SPSB2: variants seen among roughly 807,000 people sequenced by gnomAD.
The protein encoded by SPSB2 is SPRY domain-containing SOCS box protein 2.
SPSB2 carries 25 observed loss-of-function variants against 19.2 expected under a neutral mutation model. The observed-to-expected ratio is 1.30, with a 90% CI of 0.95 to 1.82. SPSB2 has a LOEUF of 1.82. Among genes scored for constraint, SPSB2 ranks in the 40% most tolerant of loss-of-function variants. The pLI is 0.00. For missense variants in SPSB2, 413 were observed against 344.9 expected (o/e 1.20, Z -1.56); for synonymous variants, 153 against 154.9 (o/e 0.99, Z 0.09).
chr12:6,872,730 C>T lies in SPSB2; in HGVS notation c.172G>A (p.Glu58Lys), dbSNP rs1944624067. 1.2e-6 allele frequency: 2 copies of T among 1,612,896 alleles called. No individual in the cohort carries two copies. Among genetic ancestry groups the T allele is most frequent in the Non-Finnish European group, 1.7e-6 (2 of 1,180,048 alleles). ...WNPKDCSENI[E>K]VKEGGLYFER... ...AAGTACAACCCTCCTTCCTTGACCT[C>T]GATGTTCTCTGAACAGTCTTTGGGG... The change falls in exon 2 of 3, where the codon GAG becomes AAG. Residue 58 changes from glutamate to lysine, a missense_variant. By Grantham distance (56) the Glu-to-Lys change is moderately conservative. Transcript: ENST00000524270.
At chr12:6,871,538 AAAC>A (rs1159742293) in intron 2 of SPSB2, 30 of 596,116 alleles carry the variant, frequency 5.0e-5, no homozygotes, top group South Asian at 2.2e-4. Context: ...AAGGCCCTCT[AAAC>A]AACAGGCCAA....
intron 2 of SPSB2, chr12:6,871,682 A>T (rs1255221196): frequency 5.7e-6 from 2 of 350,630 alleles, no homozygotes; most frequent in Non-Finnish European, 1.0e-5. Context: ...CAAGCCCTGG[A>T]CCCAGTCAGT....
At position 6,872,470 on chromosome 12, in the gene SPSB2, GCT is replaced by G. The variant is rs1944616257; in HGVS notation, c.430_431del (p.Ser144GlnfsTer15). 1.2e-6 allele frequency: 2 copies of G among 1,613,840 alleles called. No homozygotes were observed. The highest frequency in any genetic ancestry group is 1.3e-5 in the African/African-American group (1 of 74,950). On this transcript the variant is annotated frameshift_variant, in exon 2 of 3. Transcript: ENST00000524270. LOFTEE classifies it high-confidence loss of function. The stretch of plus-strand genomic sequence containing the variant: ...GATACTGGGGGGCTCCGGGCCCCTT[GCT>G]CTGATGGTACAGCTTCCCCCGCCCG... ...DIGRGKLYHQ[S>X]KGPGAPQYPA...
At chr12:6,872,030 G>C in intron 2 of SPSB2, 1 of 1,479,258 alleles carries the variant, frequency 6.8e-7, no homozygotes, top group East Asian at 2.5e-5. Flanking sequence ...ACTTGAGAAA[G>C]TTGCTTTCTC....
At position 6,871,158 on chromosome 12, in the gene SPSB2, CA is replaced by C; in HGVS notation, c.*33del. The C allele has an allele frequency of 6.4e-7, 1 of 1,566,572 alleles. No homozygotes were observed. The highest frequency in any genetic ancestry group is 8.7e-7 in the Non-Finnish European group (1 of 1,155,940). Reference sequence around the variant, plus strand: ...ACCTCCCCAAGGGGAGGGGTGGTGGCAAGACCTCAGCACAGTCTGTGGTATC... The same window carrying C: ...ACCTCCCCAAGGGGAGGGGTGGTGGCAGACCTCAGCACAGTCTGTGGTATC... On this transcript the variant is annotated 3_prime_UTR_variant, in exon 3 of 3. Coordinates refer to ENST00000524270, the MANE Select transcript of SPSB2 (RefSeq NM_032641.4).
In SPSB2 at chr12:6,872,300, GGATA is replaced by G; in HGVS notation, c.598_601del (p.Tyr200ArgfsTer3). On this transcript the variant is annotated frameshift_variant, in exon 2 of 3. Coordinates refer to ENST00000524270, the MANE Select transcript of SPSB2 (RefSeq NM_032641.4). LOFTEE classifies it high-confidence loss of function. ...CTGGCCCCAGACAGCGCTTACTGCC[GGATA>G]GAGGGTCCTGCCCTTCAGTCCGCGG... 1 of 1,614,164 alleles carries G rather than the reference GGATA, an allele frequency of 6.2e-7. No homozygotes were observed. The highest frequency in any genetic ancestry group is 2.2e-5 in the East Asian group (1 of 44,884).
chr12:6,870,986 G>A lies in SPSB2; in HGVS notation c.*206C>T. 1 of 691,148 alleles carries A rather than the reference G, an allele frequency of 1.4e-6. No homozygotes were observed. Among genetic ancestry groups the A allele is most frequent in the Non-Finnish European group, 2.6e-6 (1 of 387,174 alleles). The allele number at this position is 691,148 out of a possible 1,614,324, so 42.8% of individuals were successfully genotyped here. ...TTTACTTGAAAAAATGTTTTGCGTA[G>A]CAGACTGTCATAGCCTTGAACGCCG... is the stretch of plus-strand genomic sequence containing the variant. On this transcript the variant is annotated 3_prime_UTR_variant, in exon 3 of 3. Coordinates refer to ENST00000524270, the MANE Select transcript of SPSB2 (RefSeq NM_032641.4).
rs1219002469 is a variant in SPSB2, at chr12:6,871,168, G to T, written c.*24C>A. 1 of 1,576,342 alleles carries T rather than the reference G, an allele frequency of 6.3e-7. No homozygotes were observed. The highest frequency in any genetic ancestry group is 8.6e-7 in the Non-Finnish European group (1 of 1,161,398). ...GGGGAGGGGTGGTGGCAAGACCTCAGCACAGTCTGTGGTATCACAGGGCTC... is the reference window on the plus strand; with the variant it reads ...GGGGAGGGGTGGTGGCAAGACCTCATCACAGTCTGTGGTATCACAGGGCTC... On this transcript the variant is annotated 3_prime_UTR_variant, in exon 3 of 3. Transcript: ENST00000524270.
In SPSB2 at chr12:6,872,431, C is replaced by T. The variant is rs782525816; in HGVS notation, c.471G>A (p.Gln157=). The change falls in exon 2 of 3, where the codon CAG becomes CAA. Residue 157 remains glutamine (Q), a synonymous_variant. Transcript: ENST00000524270. ...TCTCTGGCACCTCCAGCTGCTCACC[C>T]TGAGTTCCCGCTGGATACTGGGGGG... The part of the protein sequence containing the change: ...PGAPQYPAGT[Q]GEQLEVPERL... 4 of 1,614,258 alleles carry T rather than the reference C, an allele frequency of 2.5e-6. No homozygotes were observed. In the East Asian group the frequency reaches 6.7e-5, roughly 27 times the overall value.
Position 6,871,205 on chromosome 12 carries a change from A to G in SPSB2, c.779T>C (p.Leu260Pro). The change falls in exon 3 of 3, where the codon CTG becomes CCG. Residue 260 changes from leucine (L) to proline (P), a missense_variant. By Grantham distance (98) the Leu-to-Pro change is moderately conservative. Transcript: ENST00000524270. ...LPLPPAMKRYLLYQ is the reference protein window; with the variant it reads ...LPLPPAMKRYPLYQ The stretch of plus-strand genomic sequence containing the variant: ...GTATCACAGGGCTCACTGGTAGAGC[A>G]GGTAGCGCTTCATGGCAGGGGGCAA... 6.2e-7 allele frequency: 1 copy of G among 1,604,538 alleles called. No individual in the cohort carries two copies. The highest frequency in any genetic ancestry group is 8.5e-7 in the Non-Finnish European group (1 of 1,175,612).
intron 2 of SPSB2, 190 bp from the exon 3 acceptor site, chr12:6,871,509 T>G (rs2138099659): frequency 1.5e-6 from 1 of 658,652 alleles, no homozygotes; most frequent in Middle Eastern, 3.6e-4. Context: ...TAGTCAGAGC[T>G]GGGGGTGAAG....
chr12:6,872,774 TG>T lies in SPSB2; in HGVS notation c.127del (p.Gln43SerfsTer55), dbSNP rs1441376855. On this transcript the variant is annotated frameshift_variant, in exon 2 of 3. Coordinates refer to ENST00000524270, the MANE Select transcript of SPSB2 (RefSeq NM_032641.4). LOFTEE classifies it high-confidence loss of function. ...TTTGGGGTTCCAACCGTGGCGCCGC[TG>T]GGCCCCCAGGTCAGGAGGGGGTGCA... ...LSAPPPDLGA[Q>X]RRHGWNPKDC... 1 of 1,612,342 alleles carries T rather than the reference TG, an allele frequency of 6.2e-7. No individual in the cohort carries two copies. The highest frequency in any genetic ancestry group is 1.3e-5 in the African/African-American group (1 of 74,926).
In SPSB2 at chr12:6,872,835, G is replaced by A. The variant is rs1944627252; in HGVS notation, c.67C>T (p.Leu23Phe). Residue 23 changes from leucine to phenylalanine, a missense_variant, in exon 2 of 3, where the codon CTC (leucine) becomes TTC (phenylalanine). By Grantham distance (22) the Leu-to-Phe change is conservative (BLOSUM62 0). Coordinates refer to ENST00000524270, the MANE Select transcript of SPSB2 (RefSeq NM_032641.4). ...TCTTCCAAGCCCTCGGGACAGGAGA[G>A]GTCAGGGTACAGGGCCTGTGGCGTG... ...TPTPQALYPDLSCPEGLEELL... is the reference protein window; with the variant it reads ...TPTPQALYPDFSCPEGLEELL... The A allele has an allele frequency of 6.2e-7, 1 of 1,611,520 alleles. No homozygotes were observed. Among genetic ancestry groups the A allele is most frequent in the East Asian group, 2.2e-5 (1 of 44,884 alleles).
intron 2 of SPSB2, chr12:6,872,004 T>C: frequency 2.1e-6 from 3 of 1,460,728 alleles, no homozygotes; most frequent in Non-Finnish European, 2.7e-6. Context: ...AGGTTCACCA[T>C]TTACTGGCCA....
rs782343215 is a variant in SPSB2 at position 6,872,635 on chromosome 12, G to C, written c.267C>G (p.His89Gln). ...CTAGGGGCCAGCTGATCTCCCAGGC[G>C]TGCAGGCCCCTTGAATAGCCCCTCT... ...RGKRGYSRGL[H>Q]AWEISWPLEQ... is the part of the protein sequence containing the mutation. Residue 89 changes from histidine (H) to glutamine (Q), a missense_variant, in exon 2 of 3, where the codon CAC becomes CAG. Physicochemically the swap from His to Gln is conservative, Grantham distance 24 (BLOSUM62 0). Coordinates refer to ENST00000524270, the MANE Select transcript of SPSB2 (RefSeq NM_032641.4). 2 of 1,611,340 alleles carry C rather than the reference G, an allele frequency of 1.2e-6. No individual in the cohort carries two copies. The highest frequency in any genetic ancestry group is 3.3e-5 in the Admixed American group (2 of 60,016).
chr12:6,872,206 A>T, intron 2 of SPSB2, 32 bp downstream of exon 2: 6 of 1,613,900 alleles, frequency 3.7e-6, no homozygotes, highest in Non-Finnish European at 5.1e-6. Flanking sequence ...CCAGGGACAG[A>T]AAGTTCTCCC....
rs139707997 is a variant in SPSB2, at chr12:6,871,342, T to G, written c.665-23A>C. On this transcript the variant is annotated intron_variant, in intron 2 of 2. Coordinates refer to ENST00000524270, the MANE Select transcript of SPSB2 (RefSeq NM_032641.4). ...CCGCTGGGAGAGAGAAGGAGGGGAA[T>G]GTAAGTATGGGTGCAGCCACCAGCC... 9,502 of 1,605,882 alleles carry G rather than the reference T, an allele frequency of 5.9e-3. 411 individuals carry two copies. In the Admixed American group the frequency reaches 0.099, roughly 17 times the overall value.
At chr12:6,871,816 T>C (rs1441283756) in intron 2 of SPSB2, 1 of 476,556 alleles carries the variant, frequency 2.1e-6, no homozygotes, top group African/African-American at 1.9e-5. Context: ...GAAGTAGGTA[T>C]GTGGCACAGA....
chr12:6,871,830 A>G, intron 2 of SPSB2: 1 of 521,016 alleles, frequency 1.9e-6, no homozygotes, highest in East Asian at 3.4e-5. Context: ...GCACAGAGAC[A>G]GGTTAGAGCC....
Sources: gnomAD v4.1 joint callset for allele counts on GRCh38, gnomAD v4.1.1 for gene constraint, MANE v1.5 for transcripts, NCBI Gene and HGNC (gene_info 2026-07-23, HGNC 2026-07-21) for gene names.